Variants in POSTN observed in about 807,000 individuals in gnomAD.
POSTN encodes the protein periostin.
POSTN carries 71 observed loss-of-function variants against 104.5 expected under a neutral mutation model. That is an observed-to-expected ratio of 0.68 (90% CI 0.56 to 0.83). The LOEUF (loss-of-function observed/expected upper bound fraction) is 0.83, where lower values mean the gene tolerates loss of function less well. POSTN is among the 40% of genes least tolerant of loss of function. POSTN has a pLI of 0.00. For missense variants in POSTN, 949 were observed against 1,006.8 expected (o/e 0.94, Z 0.78); for synonymous variants, 355 against 340.7 (o/e 1.04, Z -0.46).
chr13:37,591,363 A>G (rs1950929054), intron 3 of POSTN, among the ~76,000 whole-genome samples: 1 of 152,208 alleles, frequency 6.6e-6, no homozygotes, highest in Non-Finnish European at 1.5e-5. Context: ...ATGGTTACCA[A>G]TGACATTATC....
intron 4 of POSTN, 103 bp downstream of exon 4, chr13:37,590,269 A>G: frequency 1.1e-6 from 1 of 920,808 alleles, no homozygotes; most frequent in Non-Finnish European, 1.6e-6. Context: ...TATGTACAAT[A>G]GAAAGATATA....
chr13:37,596,098 T>G (rs1286259958), intron 2 of POSTN, among the ~76,000 whole-genome samples: 3 of 152,122 alleles, frequency 2.0e-5, no homozygotes, highest in African/African-American at 7.2e-5. Flanking sequence ...CCACCACTCC[T>G]GGCCCATGTT....
At chr13:37,569,876 C>G in intron 19 of POSTN, 55 bp from the exon 20 acceptor site, 1 of 1,185,670 alleles carries the variant, frequency 8.4e-7, no homozygotes, top group South Asian at 1.2e-5. Context: ...ACTTCTTCTG[C>G]GAAGTGACAG....
At chr13:37,565,066 C>T (rs542274974) in intron 21 of POSTN, 1 of 152,162 alleles carries the variant, frequency 6.6e-6, no homozygotes, top group South Asian at 2.1e-4. Context: ...TAGCACTGAC[C>T]TAATGATTCT....
rs1181664494 is a variant in POSTN at position 37,582,461 on chromosome 13, T to A, written c.1297A>T (p.Ile433Leu). Residue 433 changes from isoleucine to leucine, a missense_variant, in exon 10 of 23, where the codon ATA becomes TTA. Physicochemically the swap from Ile to Leu is conservative, Grantham distance 5. Transcript: ENST00000379747. ...TTAAGGCCAACTTTTACTTTCAATA[T>A]GTGATTCTGCAGAATTAATTTAAGG... Reference protein sequence around the residue: ...RLLKLILQNHILKVKVGLNEL... With the variant: ...RLLKLILQNHLLKVKVGLNEL... The A allele has an allele frequency of 6.2e-7, 1 of 1,613,588 alleles. No individual in the cohort carries two copies.
At chr13:37,574,037 T>G (rs2138208328) in intron 17 of POSTN, among the ~76,000 whole-genome samples, 1 of 151,866 alleles carries the variant, frequency 6.6e-6, no homozygotes, top group African/African-American at 2.4e-5. Flanking sequence ...CTGCATAAAC[T>G]ACTCATTTTG....
At chr13:37,586,658 TA>T in intron 6 of POSTN, 123 bp downstream of exon 6, 1 of 857,716 alleles carries the variant, frequency 1.2e-6, no homozygotes, top group Non-Finnish European at 1.8e-6. Flanking sequence ...ATGAAAATAG[TA>T]GTCCTTTCAA....
At chr13:37,567,694 G>A (rs972262967) in intron 21 of POSTN, among the ~76,000 whole-genome samples, 15 of 152,204 alleles carry the variant, frequency 9.9e-5, no homozygotes, top group South Asian at 8.3e-4. Flanking sequence ...CATACACTGG[G>A]AACTAAAGGA....
chr13:37,584,833 T>A lies in POSTN; in HGVS notation c.991A>T (p.Ile331Leu). 1 of 1,613,922 alleles carries A rather than the reference T, an allele frequency of 6.2e-7. No individual in the cohort carries two copies. The highest frequency in any genetic ancestry group is 8.5e-7 in the Non-Finnish European group (1 of 1,179,936). Reference sequence around the variant, plus strand: ...GTTATACTGTCACCGTCACATCCTATCTCAATTGTATTTCCTTCCAGCGTC... The same window carrying A: ...GTTATACTGTCACCGTCACATCCTAACTCAATTGTATTTCCTTCCAGCGTC... ...FETLEGNTIEIGCDGDSITVN... is the reference protein window; with the variant it reads ...FETLEGNTIELGCDGDSITVN... Residue 331 changes from isoleucine to leucine, a missense_variant, in exon 8 of 23, where the codon ATA becomes TTA. By Grantham distance (5) the Ile-to-Leu change is conservative (BLOSUM62 2). Transcript: ENST00000379747.
At chr13:37,578,297 T>G (rs1950473679) in intron 15 of POSTN, among the ~76,000 whole-genome samples, 1 of 152,206 alleles carries the variant, frequency 6.6e-6, no homozygotes, top group Non-Finnish European at 1.5e-5. Flanking sequence ...CATAACACTT[T>G]ACACAATACT....
At chr13:37,584,539 T>C (rs1950689038) in intron 8 of POSTN, among the ~76,000 whole-genome samples, 177 bp downstream of exon 8, 1 of 152,140 alleles carries the variant, frequency 6.6e-6, no homozygotes, top group Non-Finnish European at 1.5e-5. Flanking sequence ...GGAGTTCCCA[T>C]CACTACACTG....
At chr13:37,587,400 G>C (rs941143384) in intron 5 of POSTN, among the ~76,000 whole-genome samples, 1 of 152,136 alleles carries the variant, frequency 6.6e-6, no homozygotes, top group African/African-American at 2.4e-5. Flanking sequence ...GAATTTGGCT[G>C]GCTGTGGAAA....
Position 37,571,466 on chromosome 13 carries a change from A to G in POSTN, c.2090-8T>C, listed in dbSNP as rs749963263. On this transcript the variant is annotated splice_region_variant and splice_polypyrimidine_tract_variant and intron_variant, in intron 17 of 22. Transcript: ENST00000379747. ...CTTTTGTTAGTGTGGGTCCTGGGAC[A>G]TTATTTTAGGAGACAAATTATCATG... The G allele has an allele frequency of 1.3e-6, 2 of 1,572,706 alleles. No individual in the cohort carries two copies. Among genetic ancestry groups the G allele is most frequent in the South Asian group, 2.2e-5 (2 of 89,692 alleles).
Position 37,562,612 on chromosome 13 carries a change from T to C in POSTN, c.*721A>G, listed in dbSNP as rs1949965752. On this transcript the variant is annotated 3_prime_UTR_variant, in exon 23 of 23. Coordinates refer to ENST00000379747, the MANE Select transcript of POSTN (RefSeq NM_006475.3). ...TCATTCAATTTCCTTTAATGAGTAC[T>C]TGTTACAGTAAAAGAGGTATAAAGT... is the stretch of plus-strand genomic sequence containing the variant. 1 of 152,244 alleles carries C rather than the reference T, an allele frequency of 6.6e-6. No individual in the cohort carries two copies. Among genetic ancestry groups the C allele is most frequent in the African/African-American group, 2.4e-5 (1 of 41,464 alleles). The allele number at this position is 152,244 out of a possible 1,614,324, so 9.4% of individuals were successfully genotyped here. A position where few individuals can be genotyped will look rare whatever the true frequency, so the allele number is the denominator to read the frequency against.
At position 37,579,071 on chromosome 13, in the gene POSTN, G is replaced by A; in HGVS notation, c.1842C>T (p.Ile614=). 1.2e-6 allele frequency: 2 copies of A among 1,613,330 alleles called. No homozygotes were observed. The highest frequency in any genetic ancestry group is 1.1e-5 in the South Asian group (1 of 91,050). The change falls in exon 14 of 23, where the codon ATC becomes ATT. Residue 614 remains isoleucine, a synonymous_variant. Coordinates refer to ENST00000379747, the MANE Select transcript of POSTN (RefSeq NM_006475.3). The part of the protein sequence containing the change: ...VNELKSKESD[I]MTTNGVIHVV... ...CATGAATTACACCATTTGTTGTCAT[G>A]ATGTCAGATTCTTTTGATTTCAATT...
intron 1 of POSTN, among the ~76,000 whole-genome samples, chr13:37,597,855 T>C (rs1427418606): frequency 6.6e-6 from 1 of 152,178 alleles, no homozygotes; most frequent in Non-Finnish European, 1.5e-5. Context: ...GATCAGAACA[T>C]CCTCTGTCAC....
rs9576314 is a variant in POSTN at position 37,597,604 on chromosome 13, G to T, written c.120-322C>A. 3.3e-4 allele frequency among the ~76,000 whole-genome samples: 50 copies of T among 151,978 alleles called. 1 individual carries two copies. In the South Asian group the frequency reaches 8.3e-3, roughly 25 times the overall value. ...TCTATGTGCCTTATTACTTTTAATG[G>T]TAGATAATCTACTGACCCTTTTTAA... On this transcript the variant is annotated intron_variant, in intron 1 of 22. Transcript: ENST00000379747.
Position 37,579,097 on chromosome 13 carries a change from CATTCACCAG to C in POSTN, c.1807_1815del (p.Leu603_Asn605del). 1 of 1,612,914 alleles carries C rather than the reference CATTCACCAG, an allele frequency of 6.2e-7. No homozygotes were observed. Among genetic ancestry groups the C allele is most frequent in the Non-Finnish European group, 8.5e-7 (1 of 1,179,438 alleles). ...ATGTCAGATTCTTTTGATTTCAATT[CATTCACCAG>C]AAGTGTATCATTTACCTATCAAAAT... On this transcript the variant is annotated inframe_deletion, in exon 14 of 23. Transcript: ENST00000379747.
rs529135155 is a variant in POSTN at position 37,571,148 on chromosome 13, G to A, written c.2179+221C>T. ...AAATCATGACATTTTGTTGGGCCCA[G>A]TGACTTAATAGATAAATTAATTCCA... is the stretch of plus-strand genomic sequence containing the variant. On this transcript the variant is annotated intron_variant, in intron 18 of 22. Coordinates refer to ENST00000379747, the MANE Select transcript of POSTN (RefSeq NM_006475.3). 60 of 430,866 alleles carry A rather than the reference G, an allele frequency of 1.4e-4. 2 individuals carry two copies. In the South Asian group the frequency reaches 1.5e-3, roughly 11 times the overall value. The allele number at this position is 430,866 out of a possible 1,614,324, so 26.7% of individuals were successfully genotyped here.
Sources: allele counts gnomAD v4.1 joint callset (sites outside exome capture counted in the v4.1 genomes callset), GRCh38; gene constraint gnomAD v4.1.1; transcripts MANE v1.5; gene names NCBI Gene and HGNC (gene_info 2026-07-23, HGNC 2026-07-21).